The following ZBTB41 variants were observed in gnomAD, a reference collection of about 807,000 sequenced individuals.
The protein encoded by ZBTB41 is zinc finger and BTB domain-containing protein 41.
ZBTB41 carries 42 observed loss-of-function variants against 87.6 expected under a neutral mutation model. The observed-to-expected ratio is 0.48, with a 90% CI of 0.37 to 0.62. The LOEUF (loss-of-function observed/expected upper bound fraction) is 0.62, where lower values mean the gene tolerates loss of function less well. Among genes scored for constraint, ZBTB41 ranks in the 20% least tolerant of loss-of-function variants. The pLI is 0.00. For missense variants in ZBTB41, 799 were observed against 1,078.9 expected, an observed-to-expected ratio of 0.74 and a Z score of 3.63; for synonymous variants, 364 against 364.0, an observed-to-expected ratio of 1.00 and a Z score of 0.00.
chr1:197,161,684 C>G (rs1316418325), intron 10 of ZBTB41, among the ~76,000 whole-genome samples: 1 of 152,018 alleles, frequency 6.6e-6, no homozygotes, highest in Non-Finnish European at 1.5e-5. Context: ...CAGCATCTAA[C>G]ATTTGATTTT....
intron 9 of ZBTB41, among the ~76,000 whole-genome samples, chr1:197,172,910 A>C (rs987817702): frequency 6.6e-6 from 1 of 152,088 alleles, no homozygotes; most frequent in Admixed American, 6.6e-5. Context: ...TTTATACCTA[A>C]ATTTAAAAAT....
At chr1:197,189,791 C>G (rs1659980243) in intron 4 of ZBTB41, among the ~76,000 whole-genome samples, 1 of 152,110 alleles carries the variant, frequency 6.6e-6, no homozygotes, top group African/African-American at 2.4e-5. Context: ...AACTTAGTTG[C>G]TATGCTAGAA....
Position 197,181,067 on chromosome 1 carries a change from A to G in ZBTB41, c.1597T>C (p.Leu533=). 6.2e-7 allele frequency: 1 copy of G among 1,606,064 alleles called. No homozygotes were observed. Residue 533 remains leucine, a synonymous_variant, in exon 6 of 11, where the codon TTG becomes CTG. Coordinates refer to ENST00000367405, the MANE Select transcript of ZBTB41 (RefSeq NM_194314.3). ...TGAGTACATTCTATATGACGTTTCA[A>G]ATTTCCAGTGTCGTTAAACTGGCGA... ...CGRQFNDTGN[L]KRHIECTHGG...
chr1:197,178,582 T>C (rs1659668115), intron 6 of ZBTB41, 70 bp from the exon 7 acceptor site: 7 of 1,105,640 alleles, frequency 6.3e-6, no homozygotes, highest in Admixed American at 2.8e-5. Flanking sequence ...CTGGAAAACT[T>C]ACTAGAAAGG....
intron 6 of ZBTB41, among the ~76,000 whole-genome samples, chr1:197,180,392 G>A (rs1659715985): frequency 6.6e-6 from 1 of 152,060 alleles, no homozygotes. Context: ...TCATTAAGCG[G>A]CGCATGACTG....
chr1:197,172,060 C>T (rs532664565), intron 10 of ZBTB41, 100 bp downstream of exon 10: 56 of 430,800 alleles, frequency 1.3e-4, no homozygotes, highest in Admixed American at 3.3e-4. Context: ...GAAATTTAAC[C>T]AAGAACAACA....
intron 8 of ZBTB41, among the ~76,000 whole-genome samples, chr1:197,176,235 C>G (rs1659603961): frequency 6.6e-6 from 1 of 151,974 alleles, no homozygotes; most frequent in African/African-American, 2.4e-5. Context: ...ATTATCATGG[C>G]TTCTCCCTTT....
At chr1:197,164,933 T>C (rs1659296736) in intron 10 of ZBTB41, among the ~76,000 whole-genome samples, 1 of 51,184 alleles carries the variant, frequency 2.0e-5, no homozygotes, top group African/African-American at 5.3e-5. Context: ...TCTAATATAT[T>C]ATATATATTA....
intron 3 of ZBTB41, 38 bp downstream of exon 3, chr1:197,191,654 C>T (rs137923963): frequency 2.6e-6 from 4 of 1,516,730 alleles, no homozygotes; most frequent in Middle Eastern, 2.2e-4. Context: ...AATTAAAAGG[C>T]ACAATAAAGT....
intron 10 of ZBTB41, among the ~76,000 whole-genome samples, chr1:197,167,713 A>G (rs1205835184): frequency 6.6e-6 from 1 of 152,226 alleles, no homozygotes; most frequent in East Asian, 1.9e-4. Context: ...ATTCATGACA[A>G]AAACTCTAAA....
At chr1:197,168,986 T>TTCAA (rs1300664717) in intron 10 of ZBTB41, among the ~76,000 whole-genome samples, 2 of 152,006 alleles carry the variant, frequency 1.3e-5, no homozygotes, top group Non-Finnish European at 2.9e-5. Context: ...AGAACAGGTA[T>TTCAA]TCAACATCAA....
chr1:197,176,950 G>C lies in ZBTB41; in HGVS notation c.1773-280C>G, dbSNP rs368433770. ...CCCATCATATTAGATCCTAAATCTA[G>C]TTCACTGAATCTATCAAATGTCTAA... On this transcript the variant is annotated intron_variant, in intron 7 of 10. Coordinates refer to ENST00000367405, the MANE Select transcript of ZBTB41 (RefSeq NM_194314.3). Among the ~76,000 whole-genome samples the C allele has an allele frequency of 5.9e-5, 9 of 152,104 alleles. No individual in the cohort carries two copies. In the South Asian group the frequency reaches 1.0e-3, roughly 18 times the overall value.
At chr1:197,172,692 A>AT (rs1308728517) in intron 9 of ZBTB41, among the ~76,000 whole-genome samples, 1 of 152,080 alleles carries the variant, frequency 6.6e-6, no homozygotes, top group Non-Finnish European at 1.5e-5. Context: ...TGTGGTGATG[A>AT]TTACATGACT....
At chr1:197,187,411 A>C (rs1209100410) in intron 5 of ZBTB41, among the ~76,000 whole-genome samples, 1 of 152,160 alleles carries the variant, frequency 6.6e-6, no homozygotes, top group Non-Finnish European at 1.5e-5. Flanking sequence ...GGATACCAAA[A>C]TCCATGGATG....
Position 197,176,531 on chromosome 1 carries a change from A to AT in ZBTB41, c.1879+32dup, listed in dbSNP as rs749363026. ...TGTTCCTTTCAGGTATTTAAAAAGGATTTTCGAACTAGCATTACAAAATAT... is the reference window on the plus strand; with the variant it reads ...TGTTCCTTTCAGGTATTTAAAAAGGATTTTTCGAACTAGCATTACAAAATAT... On this transcript the variant is annotated intron_variant, in intron 8 of 10. Coordinates refer to ENST00000367405, the MANE Select transcript of ZBTB41 (RefSeq NM_194314.3). 3.4e-6 allele frequency: 5 copies of AT among 1,460,032 alleles called. No homozygotes were observed. In the South Asian group the frequency reaches 4.7e-5, roughly 14 times the overall value. The allele number at this position is 1,460,032 out of a possible 1,614,324, so 90.4% of individuals were successfully genotyped here.
Position 197,182,582 on chromosome 1 carries a change from G to A in ZBTB41, c.1547-1465C>T, listed in dbSNP as rs150675453. Reference sequence around the variant, plus strand: ...GAGTCACCATGCCTGGCCAAGTTCTGACTTTTAAAAGCCAAACTACAACTT... The same window carrying A: ...GAGTCACCATGCCTGGCCAAGTTCTAACTTTTAAAAGCCAAACTACAACTT... On this transcript the variant is annotated intron_variant, in intron 5 of 10. Transcript: ENST00000367405. Among the ~76,000 whole-genome samples the A allele has an allele frequency of 9.8e-3, 1,490 of 152,026 alleles. 11 individuals carry two copies. The highest frequency in any genetic ancestry group is 0.014 in the Non-Finnish European group (974 of 67,978).
chr1:197,193,396 C>A (rs10801595), intron 2 of ZBTB41, among the ~76,000 whole-genome samples: 90,414 of 151,194 alleles, frequency 0.6, 30,894 homozygotes, highest in East Asian at 0.91. Flanking sequence ...AAAAAAAAAA[C>A]CAAAAAAACA....
At position 197,159,626 on chromosome 1, in the gene ZBTB41, C is replaced by G; in HGVS notation, c.2463G>C (p.Pro821=). ...TLVPVQMPDT[P]SDLVRHTTTL... is the part of the protein sequence containing the mutation. ...TGGTAGTATGACGCACTAGGTCACTCGGAGTGTCAGGCATCTGAACTGGAA... is the reference window on the plus strand; with the variant it reads ...TGGTAGTATGACGCACTAGGTCACTGGGAGTGTCAGGCATCTGAACTGGAA... Residue 821 remains proline (P), a synonymous_variant, in exon 11 of 11, where the codon CCG becomes CCC. Transcript: ENST00000367405. The G allele has an allele frequency of 1.2e-6, 2 of 1,613,892 alleles. No individual in the cohort carries two copies. Among genetic ancestry groups the G allele is most frequent in the Non-Finnish European group, 1.7e-6 (2 of 1,179,892 alleles).
At chr1:197,186,640 T>A (rs1659890688) in intron 5 of ZBTB41, among the ~76,000 whole-genome samples, 1 of 152,190 alleles carries the variant, frequency 6.6e-6, no homozygotes, top group South Asian at 2.1e-4. Context: ...GGTGGGTGGG[T>A]CACCTGAGGT....
Sources: allele counts gnomAD v4.1 joint callset (sites outside exome capture counted in the v4.1 genomes callset), GRCh38; gene constraint gnomAD v4.1.1; transcripts MANE v1.5; gene names NCBI Gene and HGNC (gene_info 2026-07-23, HGNC 2026-07-21).